CAP2: variants seen among roughly 807,000 people sequenced by gnomAD.
The protein encoded by CAP2 is cyclase associated actin cytoskeleton regulatory protein 2.
A neutral mutation model predicts 57.7 loss-of-function variants in CAP2; 24 were observed. The ratio of observed to expected loss-of-function variants is 0.42; its 90% CI spans 0.30 to 0.58. The LOEUF (loss-of-function observed/expected upper bound fraction) is 0.58. Ranked by LOEUF, CAP2 falls within the 20% of genes least tolerant of loss-of-function variation. The pLI, the probability that CAP2 is intolerant of heterozygous loss-of-function variation, is 0.22. For missense variants in CAP2, 501 were observed against 590.3 expected, an observed-to-expected ratio of 0.85 and a Z score of 1.57; for synonymous variants, 194 against 207.2, an observed-to-expected ratio of 0.94 and a Z score of 0.55.
In CAP2 at chr6:17,507,222, A is replaced by G. The variant is rs1417492759; in HGVS notation, c.354A>G (p.Gln118=). The G allele has an allele frequency of 1.2e-6, 2 of 1,614,184 alleles. No individual in the cohort carries two copies. The highest frequency in any genetic ancestry group is 1.7e-6 in the Non-Finnish European group (2 of 1,180,006). ...TATCGGAAAAGATTCAGGAAATCCA[A>G]ACTTTCAGAGAGAGAAACCGGGGGA... The part of the protein sequence containing the change: ...KPISEKIQEI[Q]TFRERNRGSN... The change falls in exon 5 of 13, where the codon CAA becomes CAG. Residue 118 remains glutamine (Q), a synonymous_variant. Transcript: ENST00000229922.
At chr6:17,539,532 C>A in intron 8 of CAP2, 74 bp downstream of exon 8, 3 of 1,141,694 alleles carry the variant, frequency 2.6e-6, no homozygotes, top group Non-Finnish European at 3.8e-6. Context: ...GCCGCTGGAG[C>A]CCCAGTGATG....
chr6:17,414,148 A>G (rs2113522066), intron 1 of CAP2, among the ~76,000 whole-genome samples: 1 of 152,238 alleles, frequency 6.6e-6, no homozygotes. Context: ...CAGAGAAATT[A>G]GTCCATTGTA....
At chr6:17,536,866 T>C (rs142790483) in intron 7 of CAP2, among the ~76,000 whole-genome samples, 1 of 152,310 alleles carries the variant, frequency 6.6e-6, no homozygotes, top group East Asian at 1.9e-4. Context: ...GCTTATATTA[T>C]ACTCTCTTTC....
intron 1 of CAP2, among the ~76,000 whole-genome samples, chr6:17,419,002 TG>T (rs1164335273): frequency 1.3e-5 from 2 of 152,206 alleles, no homozygotes; most frequent in Non-Finnish European, 2.9e-5. Context: ...CAGAGAACAC[TG>T]CCCCATATTT....
At chr6:17,475,754 T>C (rs1399503454) in intron 4 of CAP2, among the ~76,000 whole-genome samples, 1 of 152,222 alleles carries the variant, frequency 6.6e-6, no homozygotes, top group African/African-American at 2.4e-5. Context: ...AGAGTTTTCA[T>C]GTAAATTGTG....
At chr6:17,451,417 G>A (rs2113578706) in intron 3 of CAP2, among the ~76,000 whole-genome samples, 1 of 152,002 alleles carries the variant, frequency 6.6e-6, no homozygotes, top group East Asian at 1.9e-4. Context: ...CTTATCACTT[G>A]TTACTCACAT....
chr6:17,512,348 A>G (rs1213773511), intron 6 of CAP2, among the ~76,000 whole-genome samples: 1 of 151,940 alleles, frequency 6.6e-6, no homozygotes, highest in East Asian at 1.9e-4. Context: ...GCAAGCTATG[A>G]TCTCACCATT....
At chr6:17,409,091 G>A (rs1041676266) in intron 1 of CAP2, among the ~76,000 whole-genome samples, 1 of 150,418 alleles carries the variant, frequency 6.6e-6, no homozygotes, top group Admixed American at 6.6e-5. Flanking sequence ...GGTGTGTGAG[G>A]CTGGGCGTGG....
intron 1 of CAP2, among the ~76,000 whole-genome samples, chr6:17,414,298 T>G (rs1759220525): frequency 6.6e-6 from 1 of 150,972 alleles, no homozygotes; most frequent in African/African-American, 2.5e-5. Context: ...AAAAAACACT[T>G]TAAAAAATGG....
intron 1 of CAP2, among the ~76,000 whole-genome samples, chr6:17,417,274 A>ATTT (rs34818674): frequency 2.2e-5 from 3 of 137,236 alleles, no homozygotes; most frequent in African/African-American, 5.4e-5. Context: ...TTTAAAACTG[A>ATTT]TTTTTTTTTT....
intron 1 of CAP2, among the ~76,000 whole-genome samples, chr6:17,420,613 A>C (rs1581502673): frequency 6.6e-6 from 1 of 152,348 alleles, no homozygotes; most frequent in Middle Eastern, 3.4e-3. Context: ...GGAAATAGTG[A>C]AAATACGCTC....
rs1428199556 is a variant in CAP2 at position 17,547,617 on chromosome 6, A to G, written c.1210-3847A>G. Among the ~76,000 whole-genome samples, 14 of 152,228 alleles carry G rather than the reference A, an allele frequency of 9.2e-5. 1 individual carries two copies. The highest frequency in any genetic ancestry group is 3.9e-4 in the Admixed American group (6 of 15,262). On this transcript the variant is annotated intron_variant, in intron 11 of 12. Transcript: ENST00000229922. ...AGCATTTTGGGAGGCCAAGGTGGGC[A>G]AATCACGAGGTCCGGAGATTGAGAC...
chr6:17,464,096 A>G (rs1335306034), intron 4 of CAP2, among the ~76,000 whole-genome samples: 1 of 152,220 alleles, frequency 6.6e-6, no homozygotes, highest in Non-Finnish European at 1.5e-5. Flanking sequence ...CTGACATTGT[A>G]TCATGCAAAT....
chr6:17,545,854 C>G, intron 11 of CAP2, among the ~76,000 whole-genome samples: 1 of 152,138 alleles, frequency 6.6e-6, no homozygotes, highest in East Asian at 1.9e-4. Flanking sequence ...CATCCATGTC[C>G]CTACAAAGGA....
At position 17,439,969 on chromosome 6, in the gene CAP2, C is replaced by A. The variant is rs145345183; in HGVS notation, c.222+13279C>A. On this transcript the variant is annotated intron_variant, in intron 3 of 12. Transcript: ENST00000229922. ...TTCATGTGTAATAGAGTTAATTCCCCCCATAGGTCTTCCTATCCAGAGTTC... is the reference window on the plus strand; with the variant it reads ...TTCATGTGTAATAGAGTTAATTCCCACCATAGGTCTTCCTATCCAGAGTTC... 3.0e-4 allele frequency among the ~76,000 whole-genome samples: 45 copies of A among 151,606 alleles called. 1 individual carries two copies. The highest frequency in any genetic ancestry group is 5.4e-4 in the Non-Finnish European group (37 of 68,022).
chr6:17,544,157 C>T (rs868846919), intron 11 of CAP2, among the ~76,000 whole-genome samples: 6 of 150,718 alleles, frequency 4.0e-5, no homozygotes, highest in Non-Finnish European at 8.9e-5. Context: ...AAAAGGACAG[C>T]TATGTAATCT....
intron 3 of CAP2, among the ~76,000 whole-genome samples, chr6:17,453,426 G>A (rs924301249): frequency 2.6e-5 from 4 of 152,140 alleles, no homozygotes; most frequent in Non-Finnish European, 5.9e-5. Context: ...ATCCATCTGC[G>A]TCTTGTTTTT....
chr6:17,404,224 C>A (rs546345322), intron 1 of CAP2, among the ~76,000 whole-genome samples: 1 of 152,280 alleles, frequency 6.6e-6, no homozygotes, highest in African/African-American at 2.4e-5. Flanking sequence ...GTAATCCCCA[C>A]CACTTTGAGA....
intron 7 of CAP2, among the ~76,000 whole-genome samples, chr6:17,521,474 T>TA (rs1762390448): frequency 1.3e-5 from 2 of 151,888 alleles, no homozygotes; most frequent in African/African-American, 4.8e-5. Flanking sequence ...CACAGGTAGA[T>TA]AGTAAAGTTA....
Sources: gnomAD v4.1 joint callset for allele counts (sites outside exome capture counted in the v4.1 genomes callset) on GRCh38, gnomAD v4.1.1 for gene constraint, MANE v1.5 for transcripts, NCBI Gene and HGNC (gene_info 2026-07-23, HGNC 2026-07-21) for gene names.